RIOK1: variants seen among roughly 807,000 people sequenced by gnomAD.
RIOK1 encodes the protein RIO kinase 1, also known as serine/threonine-protein kinase RIO1.
A neutral mutation model predicts 73.5 loss-of-function variants in RIOK1; 66 were observed. The ratio of observed to expected loss-of-function variants is 0.90; its 90% confidence interval spans 0.74 to 1.10. RIOK1 has a LOEUF of 1.10. Among genes scored for constraint, RIOK1 ranks in the 50% least tolerant of loss-of-function variants. The pLI is 0.00. For synonymous variants in RIOK1, 224 were observed against 226.8 expected (o/e 0.99, Z 0.11); for missense variants, 658 against 699.8 (o/e 0.94, Z 0.67).
chr6:7,398,772 T>C (rs1761542036), intron 5 of RIOK1, 32 bp downstream of exon 5: 1 of 1,542,168 alleles, frequency 6.5e-7, no homozygotes, highest in Non-Finnish European at 8.9e-7. Flanking sequence ...AACTCTTCTT[T>C]TTAATTAGCA....
intron 16 of RIOK1, 86 bp from the exon 17 acceptor site, chr6:7,417,245 G>A (rs1762028616): frequency 1.2e-6 from 1 of 823,562 alleles, no homozygotes; most frequent in Admixed American, 3.0e-5. Context: ...GCAAGACCCT[G>A]TCTAAAAAAC....
At chr6:7,403,855 A>G in intron 8 of RIOK1, 86 bp from the exon 9 acceptor site, 7 of 819,296 alleles carry the variant, frequency 8.5e-6, no homozygotes, top group South Asian at 5.7e-5. Context: ...CTTAACAGCA[A>G]TATTAATCTT....
In RIOK1 at chr6:7,404,038, G is replaced by T; in HGVS notation, c.854+11G>T. 1 of 1,558,444 alleles carries T rather than the reference G, an allele frequency of 6.4e-7. No individual in the cohort carries two copies. Among genetic ancestry groups the T allele is most frequent in the South Asian group, 1.1e-5 (1 of 89,722 alleles). On this transcript the variant is annotated intron_variant, in intron 9 of 16. Coordinates refer to ENST00000379834, the MANE Select transcript of RIOK1 (RefSeq NM_031480.3). ...CGGTAAAGATGACATGTAAGTACAT[G>T]GAAGGGCTAATAATTGCATTCTCAG...
rs752267936 is a variant in RIOK1, at chr6:7,404,469, G to A, written c.906G>A (p.Glu302=). 6 of 1,614,048 alleles carry A rather than the reference G, an allele frequency of 3.7e-6. No individual in the cohort carries two copies. Among genetic ancestry groups the A allele is most frequent in the Non-Finnish European group, 5.1e-6 (6 of 1,180,020 alleles). ...AGTTATCAGAATCCAAGGCTCGGGA[G>A]TTGTACCTGCAGGTCATTCAGTACA... ...NVQLSESKAR[E]LYLQVIQYMR... The change falls in exon 10 of 17, where the codon GAG becomes GAA. Residue 302 remains glutamate, a synonymous_variant. Transcript: ENST00000379834.
At chr6:7,395,328 A>G (rs1314367545) in intron 3 of RIOK1, among the ~76,000 whole-genome samples, 185 bp downstream of exon 3, 8 of 152,176 alleles carry the variant, frequency 5.3e-5, no homozygotes, top group Non-Finnish European at 2.9e-5. Context: ...AGCCTGACCA[A>G]CATAGTGAAA....
chr6:7,409,467 T>G (rs1761833722), intron 12 of RIOK1, among the ~76,000 whole-genome samples: 1 of 151,902 alleles, frequency 6.6e-6, no homozygotes, highest in South Asian at 2.1e-4. Flanking sequence ...TTGACTAGGC[T>G]GGTCTGGAAC....
At chr6:7,409,712 C>T (rs914214036) in intron 12 of RIOK1, among the ~76,000 whole-genome samples, 3 of 150,798 alleles carry the variant, frequency 2.0e-5, no homozygotes, top group African/African-American at 7.3e-5. Flanking sequence ...CTCAGGTGAT[C>T]TGCTGGCCTC....
intron 16 of RIOK1, among the ~76,000 whole-genome samples, chr6:7,415,288 C>G (rs1457367338): frequency 6.6e-6 from 1 of 152,084 alleles, no homozygotes; most frequent in African/African-American, 2.4e-5. Flanking sequence ...CCTGTAGTCC[C>G]AAATACTTGG....
chr6:7,410,560 C>A, intron 13 of RIOK1, 109 bp downstream of exon 13: 1 of 673,952 alleles, frequency 1.5e-6, no homozygotes, highest in Non-Finnish European at 2.6e-6. Flanking sequence ...GCAGCTTTTT[C>A]AAATGATGGT....
intron 3 of RIOK1, among the ~76,000 whole-genome samples, 158 bp from the exon 4 acceptor site, chr6:7,396,544 AC>A (rs1406606260): frequency 1.3e-5 from 2 of 152,350 alleles, no homozygotes; most frequent in East Asian, 3.9e-4. Context: ...ACTTTTAAAA[AC>A]ATTACATTGT....
chr6:7,396,826 C>T (rs1192901935), intron 4 of RIOK1, 54 bp downstream of exon 4: 2 of 925,494 alleles, frequency 2.2e-6, no homozygotes, highest in African/African-American at 3.3e-5. Flanking sequence ...CTAGATTAAG[C>T]AGCACCTTGA....
In RIOK1 at chr6:7,389,981, C is replaced by T. The variant is rs950375271; in HGVS notation, c.-22C>T. The T allele has an allele frequency of 1.3e-6, 2 of 1,547,994 alleles. No individual in the cohort carries two copies. Among genetic ancestry groups the T allele is most frequent in the African/African-American group, 2.7e-5 (2 of 72,984 alleles). ...GTTCCTTTCCATCGCAGAGCGGCGG[C>T]CTCCGGCGGCGCTCTCCAGTCATGG... On this transcript the variant is annotated 5_prime_UTR_variant, in exon 1 of 17. Transcript: ENST00000379834.
intron 14 of RIOK1, among the ~76,000 whole-genome samples, chr6:7,412,048 G>A (rs535163969): frequency 1.2e-4 from 19 of 152,310 alleles, no homozygotes; most frequent in African/African-American, 4.6e-4. Context: ...CAAATTGATT[G>A]CAAATGTTTA....
Position 7,390,067 on chromosome 6 carries a change from C to G in RIOK1, c.65C>G (p.Ser22Cys), listed in dbSNP as rs1210919327. 6.4e-7 allele frequency: 1 copy of G among 1,559,088 alleles called. No individual in the cohort carries two copies. ...VPGQFDDADS[S>C]DSENRDLKTV... ...GGGCAATTCGACGACGCGGACTCCT[C>G]TGACAGGTAGGCGGCCGTACAGTGC... Residue 22 changes from serine (S) to cysteine (C), a missense_variant, in exon 1 of 17, where the codon TCT (serine) becomes TGT (cysteine). Coordinates refer to ENST00000379834, the MANE Select transcript of RIOK1 (RefSeq NM_031480.3).
Position 7,417,702 on chromosome 6 carries a change from T to G in RIOK1, c.*261T>G, listed in dbSNP as rs2113537052. ...TAATAAAGAACTTTGTACATTTTTA[T>G]TTTTATATTTTTTTCTCTTACAAAT... On this transcript the variant is annotated 3_prime_UTR_variant, in exon 17 of 17. Transcript: ENST00000379834. 1 of 219,820 alleles carries G rather than the reference T, an allele frequency of 4.5e-6. No individual in the cohort carries two copies. The highest frequency in any genetic ancestry group is 2.3e-5 in the African/African-American group (1 of 43,892). 13.6% of individuals were successfully genotyped at this position (219,820 alleles called of 1,614,324 possible).
In RIOK1 at chr6:7,404,625, C is replaced by G. The variant is rs1238398920; in HGVS notation, c.992+70C>G. 14 of 1,549,764 alleles carry G rather than the reference C, an allele frequency of 9.0e-6. 1 individual carries two copies. The Admixed American group carries it at 2.5e-4, about 27-fold the overall frequency. On this transcript the variant is annotated intron_variant, in intron 10 of 16. Coordinates refer to ENST00000379834, the MANE Select transcript of RIOK1 (RefSeq NM_031480.3). ...TGTCCTTTAAAATGATAAACAAAAT[C>G]CCAATCCAAGAAGTCACACTAACTT...
intron 1 of RIOK1, 103 bp from the exon 2 acceptor site, chr6:7,392,994 CTT>C (rs1343563093): frequency 3.0e-6 from 4 of 1,316,464 alleles, no homozygotes; most frequent in African/African-American, 3.0e-5. Flanking sequence ...AATATATAAT[CTT>C]TTAGATTTAT....
At chr6:7,412,161 G>A (rs1761901013) in intron 14 of RIOK1, among the ~76,000 whole-genome samples, 1 of 152,150 alleles carries the variant, frequency 6.6e-6, no homozygotes, top group Non-Finnish European at 1.5e-5. Context: ...AGGAGTTCGA[G>A]ACCAACCTGG....
chr6:7,409,879 C>T (rs1421720865), intron 12 of RIOK1, among the ~76,000 whole-genome samples: 1 of 151,582 alleles, frequency 6.6e-6, no homozygotes, highest in Non-Finnish European at 1.5e-5. Flanking sequence ...TTTTACAAAC[C>T]AAAAGAACCC....
Sources: gnomAD v4.1 joint callset for allele counts (sites outside exome capture counted in the v4.1 genomes callset) on GRCh38, gnomAD v4.1.1 for gene constraint, MANE v1.5 for transcripts, NCBI Gene and HGNC (gene_info 2026-07-23, HGNC 2026-07-21) for gene names.